The following TPCN2 variants were observed in gnomAD, a reference collection of about 807,000 sequenced individuals.
TPCN2 encodes the protein two pore segment channel 2.
TPCN2 carries 92 observed loss-of-function variants against 111.4 expected under a neutral mutation model. That is an observed-to-expected ratio of 0.83 (90% CI 0.70 to 0.98). TPCN2 has a LOEUF of 0.98. Among genes scored for constraint, TPCN2 ranks in the 50% least tolerant of loss-of-function variants. The pLI, the probability that TPCN2 is intolerant of heterozygous loss-of-function variation, is 0.00. For missense variants in TPCN2, 995 were observed against 980.1 expected, an observed-to-expected ratio of 1.02 and a Z score of -0.20; for synonymous variants, 405 against 414.5, an observed-to-expected ratio of 0.98 and a Z score of 0.28.
chr11:69,066,245 C>T (rs532791079), intron 7 of TPCN2, among the ~76,000 whole-genome samples: 45 of 152,224 alleles, frequency 3.0e-4, no homozygotes, highest in African/African-American at 1.0e-3. Context: ...GTGGTCCTGC[C>T]GTCCCCGGTG....
chr11:69,068,381 G>C lies in TPCN2; in HGVS notation c.829+776G>C, dbSNP rs77469365. On this transcript the variant is annotated intron_variant, in intron 8 of 24. Coordinates refer to ENST00000294309, the MANE Select transcript of TPCN2 (RefSeq NM_139075.4). ...GTCTGAGTCCTAGGAAGTGACCGCA[G>C]TGGGAGCAGGACCGTCTGAGTCCTA... Among the ~76,000 whole-genome samples, 31 of 66,478 alleles carry C rather than the reference G, an allele frequency of 4.7e-4. 1 individual carries two copies. The highest frequency in any genetic ancestry group is 1.1e-3 in the African/African-American group (18 of 16,402). The allele number at this position is 66,478 out of a possible 152,430, so 43.6% of individuals were successfully genotyped here.
At position 69,088,061 on chromosome 11, in the gene TPCN2, C is replaced by T; in HGVS notation, c.*108C>T. The T allele has an allele frequency of 2.1e-6, 2 of 953,872 alleles. No individual in the cohort carries two copies. The highest frequency in any genetic ancestry group is 3.1e-6 in the Non-Finnish European group (2 of 647,582). 59.1% of individuals were successfully genotyped at this position (953,872 alleles called of 1,614,324 possible). On this transcript the variant is annotated 3_prime_UTR_variant, in exon 25 of 25. Transcript: ENST00000294309. The stretch of plus-strand genomic sequence containing the variant: ...CTGTGGCCAGCCAGGCAGGAAGAGA[C>T]CTTTCCTCTGACGGACCACTAAGCT...
In TPCN2 at chr11:69,078,719, G is replaced by T; in HGVS notation, c.1351-15G>T. 1 of 1,613,858 alleles carries T rather than the reference G, an allele frequency of 6.2e-7. No homozygotes were observed. The highest frequency in any genetic ancestry group is 8.5e-7 in the Non-Finnish European group (1 of 1,180,038). ...TGCTGGGCCAGCCGGCGAGCCCTCT[G>T]TTCTGGCGTTGCAGGTGTTCCTGGT... On this transcript the variant is annotated splice_polypyrimidine_tract_variant and intron_variant, in intron 14 of 24. Transcript: ENST00000294309.
At chr11:69,052,643 C>T (rs953673221) in intron 1 of TPCN2, among the ~76,000 whole-genome samples, 1 of 152,162 alleles carries the variant, frequency 6.6e-6, no homozygotes, top group African/African-American at 2.4e-5. Flanking sequence ...GGGCCCCTCA[C>T]ACCTCTAATC....
At chr11:69,082,681 G>C (rs1159870849) in intron 18 of TPCN2, among the ~76,000 whole-genome samples, 1 of 125,020 alleles carries the variant, frequency 8.0e-6, no homozygotes, top group East Asian at 2.4e-4. Flanking sequence ...TCGTGCCCGT[G>C]TAAGACGCAT....
At position 69,078,956 on chromosome 11, in the gene TPCN2, G is replaced by A. The variant is rs756107301; in HGVS notation, c.1475G>A (p.Gly492Asp). ...LEMLLKVFAL[G>D]LRGYLSYPSN... ...ATGCTGCTCAAGGTCTTTGCCCTGGGCCTGCGAGGGTACCTGTCCTACCCC... is the reference window on the plus strand; with the variant it reads ...ATGCTGCTCAAGGTCTTTGCCCTGGACCTGCGAGGGTACCTGTCCTACCCC... Residue 492 changes from glycine to aspartate, a missense_variant, in exon 16 of 25, where the codon GGC becomes GAC. Coordinates refer to ENST00000294309, the MANE Select transcript of TPCN2 (RefSeq NM_139075.4). The A allele has an allele frequency of 1.2e-6, 2 of 1,613,942 alleles. No homozygotes were observed. The highest frequency in any genetic ancestry group is 1.7e-6 in the Non-Finnish European group (2 of 1,180,010).
At chr11:69,076,496 A>G (rs186963008) in intron 13 of TPCN2, among the ~76,000 whole-genome samples, 70 of 152,084 alleles carry the variant, frequency 4.6e-4, no homozygotes, top group African/African-American at 1.6e-3. Flanking sequence ...GCTTAACACC[A>G]CACTCCGATC....
At chr11:69,054,688 C>T (rs375059469) in intron 2 of TPCN2, 33 bp from the exon 3 acceptor site, 67 of 1,601,990 alleles carry the variant, frequency 4.2e-5, no homozygotes, top group Non-Finnish European at 5.7e-5. Context: ...TGCATGCACC[C>T]ATGTCATGCC....
chr11:69,084,636 C>G (rs1856196135), intron 19 of TPCN2: 1 of 985,334 alleles, frequency 1.0e-6, no homozygotes, highest in African/African-American at 1.7e-5. Flanking sequence ...AGCCCGGCCA[C>G]ACTTCAGGCA....
chr11:69,081,235 C>T (rs998021618), intron 17 of TPCN2, among the ~76,000 whole-genome samples, 165 bp from the exon 18 acceptor site: 1 of 152,098 alleles, frequency 6.6e-6, no homozygotes, highest in African/African-American at 2.4e-5. Context: ...CCCGCCCTCT[C>T]GCCACCCTGC....
At chr11:69,064,285 C>CT (rs60121347) in intron 7 of TPCN2, among the ~76,000 whole-genome samples, 57,729 of 132,224 alleles carry the variant, frequency 0.44, 12,613 homozygotes, top group Non-Finnish European at 0.5. Context: ...ACTTCCCTCC[C>CT]CCCTCCCTAT....
intron 6 of TPCN2, 65 bp downstream of exon 6, chr11:69,063,055 G>C: frequency 6.9e-7 from 1 of 1,445,024 alleles, no homozygotes; most frequent in Non-Finnish European, 9.7e-7. Flanking sequence ...GGGCCACGTG[G>C]TTGCGGGTGG....
intron 3 of TPCN2, 141 bp downstream of exon 3, chr11:69,054,938 C>G (rs1854688777): frequency 1.1e-6 from 1 of 926,166 alleles, no homozygotes; most frequent in Non-Finnish European, 1.7e-6. Context: ...ATCATCCTCT[C>G]TGGAAAGGAG....
chr11:69,078,559 C>T lies in TPCN2; in HGVS notation c.1308C>T (p.Tyr436=), dbSNP rs1855885424. 6.2e-7 allele frequency: 1 copy of T among 1,614,138 alleles called. No homozygotes were observed. The highest frequency in any genetic ancestry group is 8.5e-7 in the Non-Finnish European group (1 of 1,180,038). The change falls in exon 14 of 25, where the codon TAC becomes TAT. Residue 436 remains tyrosine, a synonymous_variant. Coordinates refer to ENST00000294309, the MANE Select transcript of TPCN2 (RefSeq NM_139075.4). ...QFLFGHYYFD[Y]LGNLIALANL... ...TCTTCGGCCACTACTACTTTGACTA[C>T]CTGGGGAACCTCATCGCCCTGGCAA... is the stretch of plus-strand genomic sequence containing the variant.
rs3829241 is a variant in TPCN2 at position 69,087,895 on chromosome 11, G to A, written c.2201G>A (p.Gly734Glu). 564,148 of 1,611,286 alleles carry A rather than the reference G, an allele frequency of 0.35. 106,973 individuals carry two copies. The highest frequency in any genetic ancestry group is 0.4 in the Non-Finnish European group (470,069 of 1,178,952). ...CACAGGGATATTCTGGAGGAGCCCG[G>A]GGAGGATGAGCTCACAGAGAGGCTG... Reference protein sequence around the residue: ...LLFRDILEEPGEDELTERLSQ... With the variant: ...LLFRDILEEPEEDELTERLSQ... Residue 734 changes from glycine to glutamate, a missense_variant, in exon 25 of 25, where the codon GGG becomes GAG. Transcript: ENST00000294309.
At chr11:69,054,472 C>G (rs1854652207) in intron 2 of TPCN2, 1 of 574,278 alleles carries the variant, frequency 1.7e-6, no homozygotes, top group South Asian at 2.1e-5. Context: ...AGCAAGTGTT[C>G]CCTGAGTGTT....
intron 13 of TPCN2, among the ~76,000 whole-genome samples, chr11:69,076,542 GC>G: frequency 2.1e-5 from 1 of 47,630 alleles, no homozygotes; most frequent in African/African-American, 5.0e-5. Context: ...GGGGAGGCCT[GC>G]CCTCCTGCTC....
chr11:69,054,393 C>T lies in TPCN2; in HGVS notation c.174+296C>T, dbSNP rs1854648500. On this transcript the variant is annotated intron_variant, in intron 2 of 24. Coordinates refer to ENST00000294309, the MANE Select transcript of TPCN2 (RefSeq NM_139075.4). ...TGGAGGATGACACAGCTGCACGGGG[C>T]GTGGGAGGGTCAGCCTTGCACAGAG... 6.0e-5 allele frequency: 34 copies of T among 570,166 alleles called. 1 individual carries two copies. The South Asian group carries it at 6.6e-4, about 11-fold the overall frequency. The allele number at this position is 570,166 out of a possible 1,614,324, so 35.3% of individuals were successfully genotyped here.
intron 4 of TPCN2, among the ~76,000 whole-genome samples, chr11:69,055,981 A>G (rs1854747311): frequency 6.6e-6 from 1 of 152,240 alleles, no homozygotes; most frequent in Non-Finnish European, 1.5e-5. Flanking sequence ...TCTGCCTGTG[A>G]CGCACGTCCT....
Sources: allele counts gnomAD v4.1 joint callset (sites outside exome capture counted in the v4.1 genomes callset), GRCh38; gene constraint gnomAD v4.1.1; transcripts MANE v1.5; gene names NCBI Gene and HGNC (gene_info 2026-07-23, HGNC 2026-07-21).